CSPG4: variants seen among roughly 807,000 people sequenced by gnomAD.
The protein encoded by CSPG4 is chondroitin sulfate proteoglycan 4, also known as chondroitin sulfate proteoglycan 4 (melanoma-associated).
Under a neutral mutation model 139.3 loss-of-function variants are expected in CSPG4, and 74 were observed. That is an observed-to-expected ratio of 0.53 (90% CI 0.44 to 0.64). The LOEUF (loss-of-function observed/expected upper bound fraction) is 0.64, where lower values mean the gene tolerates loss of function less well. Among genes scored for constraint, CSPG4 ranks in the 30% least tolerant of loss-of-function variants. The pLI, the probability that CSPG4 is intolerant of heterozygous loss-of-function variation, is 0.00. For synonymous variants in CSPG4, 1,234 were observed against 1,394.2 expected, an observed-to-expected ratio of 0.89 and a Z score of 2.56; for missense variants, 2,565 against 3,148.3, an observed-to-expected ratio of 0.81 and a Z score of 4.43.
chr15:75,677,876 C>T lies in CSPG4; in HGVS notation c.4961G>A (p.Gly1654Glu). 1 of 1,608,900 alleles carries T rather than the reference C, an allele frequency of 6.2e-7. No individual in the cohort carries two copies. The highest frequency in any genetic ancestry group is 8.5e-7 in the Non-Finnish European group (1 of 1,177,574). Reference sequence around the variant, plus strand: ...CATCTCATGCTCATACAGAATATTCCCAGCGTAGACCTAGGGGAGACACCA... The same window carrying T: ...CATCTCATGCTCATACAGAATATTCTCAGCGTAGACCTAGGGGAGACACCA... ...VNFTQAEVYA[G>E]NILYEHEMPP... The change falls in exon 9 of 10, where the codon GGG becomes GAG. Residue 1654 changes from glycine (G) to glutamate (E), a missense_variant. Physicochemically the swap from Gly to Glu is moderately conservative, Grantham distance 98. Transcript: ENST00000308508.
At chr15:75,713,111 C>T (rs931073207), upstream of CSPG4, among the ~76,000 whole-genome samples, 2 of 152,230 alleles carry the variant, frequency 1.3e-5, no homozygotes, top group East Asian at 3.8e-4. Flanking sequence ...GAGCCGAGCC[C>T]GGGAGACCCC....
intron 1 of CSPG4, among the ~76,000 whole-genome samples, chr15:75,710,460 G>A (rs1894434500): frequency 6.6e-6 from 1 of 152,122 alleles, no homozygotes; most frequent in South Asian, 2.1e-4. Flanking sequence ...CAGGCTGGGA[G>A]CACCCTCGAA....
chr15:75,688,235 T>G lies in CSPG4; in HGVS notation c.2830A>C (p.Arg944=). The change falls in exon 3 of 10, where the codon AGG becomes CGG. Residue 944 remains arginine, a synonymous_variant. Transcript: ENST00000308508. ...TCCTGTGTCCCACGCCAAGCCAACC[T>G]CCCATGGCGGGGCCGCTCCATGACC... is the stretch of plus-strand genomic sequence containing the variant. The part of the protein sequence containing the change: ...YEVMERPRHG[R]LAWRGTQDKT... 3 of 1,612,978 alleles carry G rather than the reference T, an allele frequency of 1.9e-6. No homozygotes were observed. The highest frequency in any genetic ancestry group is 2.5e-6 in the Non-Finnish European group (3 of 1,179,948).
At chr15:75,683,852 G>C (rs1894014705) in intron 5 of CSPG4, among the ~76,000 whole-genome samples, 2 of 152,212 alleles carry the variant, frequency 1.3e-5, no homozygotes, top group Admixed American at 1.3e-4. Context: ...TAATGTTGCG[G>C]GGCAGGACCC....
intron 1 of CSPG4, among the ~76,000 whole-genome samples, chr15:75,700,339 G>A (rs1265697455): frequency 1.3e-5 from 2 of 151,384 alleles, no homozygotes; most frequent in Non-Finnish European, 2.9e-5. Context: ...TTCCCTTCCT[G>A]TCCCCTGGGA....
Position 75,689,784 on chromosome 15 carries a change from A to G in CSPG4, c.1281T>C (p.Asn427=). The G allele has an allele frequency of 6.2e-7, 1 of 1,612,520 alleles. No homozygotes were observed. The highest frequency in any genetic ancestry group is 8.5e-7 in the Non-Finnish European group (1 of 1,179,598). Reference sequence around the variant, plus strand: ...GGCTGATAGTCAGCAGCTGGGTGAAATTGGCAAAGACAGGAGGCAGCCCTG... The same window carrying G: ...GGCTGATAGTCAGCAGCTGGGTGAAGTTGGCAAAGACAGGAGGCAGCCCTG... ...PEPGLPPVFA[N]FTQLLTISPL... Residue 427 remains asparagine (N), a synonymous_variant, in exon 3 of 10, where the codon AAT becomes AAC. Transcript: ENST00000308508.
intron 1 of CSPG4, among the ~76,000 whole-genome samples, chr15:75,709,850 G>A (rs1433852258): frequency 6.6e-6 from 1 of 152,000 alleles, no homozygotes; most frequent in African/African-American, 2.4e-5. Flanking sequence ...GTCCTGCCCG[G>A]GCGGGCAGGC....
intron 1 of CSPG4, among the ~76,000 whole-genome samples, chr15:75,709,023 T>C (rs1894410489): frequency 6.6e-6 from 1 of 152,114 alleles, no homozygotes; most frequent in Admixed American, 6.5e-5. Flanking sequence ...ACATGGTTAG[T>C]GCACACTATG....
chr15:75,682,854 A>T lies in CSPG4; in HGVS notation c.4637T>A (p.Phe1546Tyr), dbSNP rs777396298. The change falls in exon 6 of 10, where the codon TTC becomes TAC. Residue 1546 changes from phenylalanine to tyrosine, a missense_variant. Coordinates refer to ENST00000308508, the MANE Select transcript of CSPG4 (RefSeq NM_001897.5). ...QAQLDGGLVL[F>Y]SHRGTLDGGF... ...CCCTCAGCACCCACCTCTGTGTGAG[A>T]ACAGCACGAGCCCGCCGTCCAGCTG... is the stretch of plus-strand genomic sequence containing the variant. 1 of 1,609,514 alleles carries T rather than the reference A, an allele frequency of 6.2e-7. No individual in the cohort carries two copies. Among genetic ancestry groups the T allele is most frequent in the African/African-American group, 1.3e-5 (1 of 74,818 alleles).
intron 1 of CSPG4, among the ~76,000 whole-genome samples, chr15:75,707,025 T>C (rs1342507227): frequency 6.6e-6 from 1 of 151,884 alleles, no homozygotes; most frequent in Non-Finnish European, 1.5e-5. Flanking sequence ...TGACGCGATC[T>C]TAGCTCACTG....
intron 1 of CSPG4, among the ~76,000 whole-genome samples, chr15:75,697,665 C>T (rs2141435187): frequency 6.6e-6 from 1 of 152,332 alleles, no homozygotes; most frequent in Non-Finnish European, 1.5e-5. Context: ...CAGCAGCATT[C>T]CTGGGTGTCT....
rs1310753418 is a variant in CSPG4 at position 75,682,841 on chromosome 15, A to G, written c.4648+2T>C. On this transcript the variant is annotated splice_donor_variant, in intron 6 of 9. Transcript: ENST00000308508. LOFTEE classifies it high-confidence loss of function. Reference sequence around the variant, plus strand: ...ACCCGAGGCCCGGCCCTCAGCACCCACCTCTGTGTGAGAACAGCACGAGCC... The same window carrying G: ...ACCCGAGGCCCGGCCCTCAGCACCCGCCTCTGTGTGAGAACAGCACGAGCC... 7 of 1,608,166 alleles carry G rather than the reference A, an allele frequency of 4.4e-6. No homozygotes were observed. The highest frequency in any genetic ancestry group is 5.9e-6 in the Non-Finnish European group (7 of 1,177,970).
At position 75,696,531 on chromosome 15, in the gene CSPG4, G is replaced by A. The variant is rs938328995; in HGVS notation, c.89-3298C>T. ...GTGTGTGTGTGCGCGTGTGTGGGCC[G>A]GGAGCTGCCAGGACAGAGCAATGAT... On this transcript the variant is annotated intron_variant, in intron 1 of 9. Transcript: ENST00000308508. This position sits in a 1 kb window ranked among gnomAD's most constrained non-coding sequence, Gnocchi z 4.2. 1.3e-5 allele frequency among the ~76,000 whole-genome samples: 2 copies of A among 152,078 alleles called. No homozygotes were observed. The highest frequency in any genetic ancestry group is 2.9e-5 in the Non-Finnish European group (2 of 67,982).
chr15:75,682,641 C>T lies in CSPG4; in HGVS notation c.4749G>A (p.Ser1583=), dbSNP rs375780848. Residue 1583 remains serine, a synonymous_variant, in exon 7 of 10, where the codon TCG becomes TCA. Transcript: ENST00000308508. ...CAGTCAGTGTCTGGCTGCCCTTCAG[C>T]GAGAGGAGCACTTGCTTCTGGGCCG... ...RVTAQKQVLL[S]LKGSQTLTVC... The T allele has an allele frequency of 1.5e-4, 237 of 1,612,998 alleles. No homozygotes were observed. The highest frequency in any genetic ancestry group is 1.8e-4 in the Non-Finnish European group (215 of 1,180,032).
intron 3 of CSPG4, among the ~76,000 whole-genome samples, chr15:75,686,898 C>G (rs1398913544): frequency 6.6e-6 from 1 of 152,192 alleles, no homozygotes; most frequent in Non-Finnish European, 1.5e-5. Flanking sequence ...CGGCCTGTCT[C>G]CACGGTCAGC....
Position 75,707,359 on chromosome 15 carries a change from CATAA to C in CSPG4, c.88+5305_88+5308del, listed in dbSNP as rs370663982. On this transcript the variant is annotated intron_variant, in intron 1 of 9. Coordinates refer to ENST00000308508, the MANE Select transcript of CSPG4 (RefSeq NM_001897.5). ...CTATGTGTATAAGGTGTATATGAAA[CATAA>C]ATCAATTTCATGTTTAGACTTGGGT... Among the ~76,000 whole-genome samples, 188 of 152,334 alleles carry C rather than the reference CATAA, an allele frequency of 1.2e-3. 1 individual carries two copies. Among genetic ancestry groups the C allele is most frequent in the Admixed American group, 2.6e-3 (40 of 15,308 alleles).
At chr15:75,681,957 G>A (rs930905422) in intron 8 of CSPG4, among the ~76,000 whole-genome samples, 1 of 152,128 alleles carries the variant, frequency 6.6e-6, no homozygotes, top group Non-Finnish European at 1.5e-5. Context: ...AGCTACTGGG[G>A]TACCACTAGT....
chr15:75,677,115 C>T lies in CSPG4; in HGVS notation c.5404G>A (p.Ala1802Thr), dbSNP rs540043362. 85 of 1,410,372 alleles carry T rather than the reference C, an allele frequency of 6.0e-5. No individual in the cohort carries two copies. In the East Asian group the frequency reaches 2.2e-3, roughly 37 times the overall value. The allele number at this position is 1,410,372 out of a possible 1,614,324, so 87.4% of individuals were successfully genotyped here. Residue 1802 changes from alanine (A) to threonine (T), a missense_variant, in exon 10 of 10, where the codon GCC becomes ACC. Physicochemically the swap from Ala to Thr is moderately conservative, Grantham distance 58. Around this residue, in one of 5 missense-constraint regions of CSPG4, gnomAD observed 2,316 missense variants for 2,818.2 expected, o/e 0.82. Coordinates refer to ENST00000308508, the MANE Select transcript of CSPG4 (RefSeq NM_001897.5). ...GTQQDGFHFR[A>T]HLQGPAGASV... ...GCCCCTGCTGGCCCCTGGAGGTGGG[C>T]ACGAAAGTGGAAGCCATCCTGCTGG...
intron 4 of CSPG4, 31 bp downstream of exon 4, chr15:75,685,188 T>G: frequency 6.6e-7 from 1 of 1,509,658 alleles, no homozygotes; most frequent in South Asian, 1.3e-5. Context: ...AGAGCTGGGC[T>G]GCAGCCCCTG....
Sources: gnomAD v4.1 joint callset for allele counts (sites outside exome capture counted in the v4.1 genomes callset) on GRCh38, gnomAD v4.1.1 for gene constraint, gnomAD v4.1.1 regional missense constraint, Gnocchi (gnomAD v3.1) non-coding constraint, MANE v1.5 for transcripts, NCBI Gene and HGNC (gene_info 2026-07-23, HGNC 2026-07-21) for gene names.